The following FOCAD variants were observed in gnomAD, a reference collection of about 807,000 sequenced individuals.
The protein encoded by FOCAD is focadhesin.
A neutral mutation model predicts 225.6 loss-of-function variants in FOCAD; 198 were observed. The ratio of observed to expected loss-of-function variants is 0.88; its 90% CI spans 0.78 to 0.99. The LOEUF (loss-of-function observed/expected upper bound fraction) is 0.99. FOCAD is among the 50% of genes least tolerant of loss of function. The pLI, the probability that FOCAD is intolerant of heterozygous loss-of-function variation, is 0.00. For synonymous variants in FOCAD, 897 were observed against 755.0 expected (o/e 1.19, Z -3.08); for missense variants, 2,713 against 2,123.6 (o/e 1.28, Z -5.46).
chr9:20,820,460 T>C (rs1824200557), intron 13 of FOCAD, 35 bp downstream of exon 13: 5 of 1,547,152 alleles, frequency 3.2e-6, no homozygotes, highest in African/African-American at 1.4e-5. Context: ...GAGTATTAAA[T>C]ATGTTCCTTT....
intron 10 of FOCAD, among the ~76,000 whole-genome samples, chr9:20,784,635 G>C (rs1367715904): frequency 6.6e-6 from 1 of 152,174 alleles, no homozygotes; most frequent in African/African-American, 2.4e-5. Flanking sequence ...TGACTGAGCT[G>C]GGGTCTACCA....
intron 1 of FOCAD, among the ~76,000 whole-genome samples, chr9:20,703,467 T>G (rs146488460): frequency 7.3e-4 from 111 of 152,214 alleles, no homozygotes; most frequent in African/African-American, 2.6e-3. Context: ...TTTCAGCATA[T>G]GAGTTAAAAG....
At chr9:20,815,137 G>GTTTTTTTTTGTTTTTTTTTTTTTTT (rs1823565046) in intron 11 of FOCAD, among the ~76,000 whole-genome samples, 1 of 69,116 alleles carries the variant, frequency 1.4e-5, no homozygotes, top group African/African-American at 6.0e-5. Flanking sequence ...TTTTTTTTTT[G>GTTTTTTTTTGTTTTTTTTTTTTTTT]TTTTTTTTTT....
At chr9:20,711,263 G>A (rs1376998587) in intron 1 of FOCAD, among the ~76,000 whole-genome samples, 1 of 152,224 alleles carries the variant, frequency 6.6e-6, no homozygotes, top group African/African-American at 2.4e-5. Context: ...GGATTGAGCA[G>A]ATTTTGAACA....
At chr9:20,942,741 C>T (rs974175052) in intron 28 of FOCAD, among the ~76,000 whole-genome samples, 1 of 152,094 alleles carries the variant, frequency 6.6e-6, no homozygotes, top group African/African-American at 2.4e-5. Context: ...GGGAAAAAAA[C>T]AGAAAAGGTA....
intron 2 of FOCAD, among the ~76,000 whole-genome samples, chr9:20,659,249 A>T (rs778666329): frequency 7.1e-6 from 1 of 140,568 alleles, no homozygotes; most frequent in Admixed American, 7.0e-5. Flanking sequence ...AAAAAATTTA[A>T]AAAGAAAGTT....
intron 21 of FOCAD, among the ~76,000 whole-genome samples, chr9:20,887,784 G>T (rs1831227242): frequency 6.6e-6 from 1 of 152,148 alleles, no homozygotes; most frequent in African/African-American, 2.4e-5. Context: ...CCTAGTGGCT[G>T]TCTTATTTTG....
chr9:20,816,459 A>C (rs1206698629), intron 11 of FOCAD, among the ~76,000 whole-genome samples: 2 of 152,170 alleles, frequency 1.3e-5, no homozygotes, highest in Non-Finnish European at 2.9e-5. Flanking sequence ...TGTTCCAATC[A>C]AGTCTCTGCA....
intron 28 of FOCAD, among the ~76,000 whole-genome samples, chr9:20,940,844 C>G (rs1244023906): frequency 6.6e-6 from 1 of 152,152 alleles, no homozygotes; most frequent in Non-Finnish European, 1.5e-5. Flanking sequence ...AGCCATTTTT[C>G]TTTCTTACAT....
intron 2 of FOCAD, chr9:20,716,308 C>T (rs1825329454): frequency 4.4e-6 from 1 of 224,904 alleles, no homozygotes; most frequent in Non-Finnish European, 1.0e-5. Flanking sequence ...AAGAAATGCC[C>T]ATACGTGTTA....
chr9:20,693,210 T>A (rs1208179376), intron 1 of FOCAD, among the ~76,000 whole-genome samples: 2 of 152,196 alleles, frequency 1.3e-5, no homozygotes, highest in African/African-American at 2.4e-5. Context: ...CCTCTGCTGT[T>A]CTTCAGACAT....
At chr9:20,657,157 T>G (rs983373978), upstream of FOCAD, among the ~76,000 whole-genome samples, 1 of 152,134 alleles carries the variant, frequency 6.6e-6, no homozygotes, top group Non-Finnish European at 1.5e-5. Flanking sequence ...GCTGTTAGTC[T>G]GATGGGCCTC....
At chr9:20,849,773 A>G (rs796158181) in intron 15 of FOCAD, among the ~76,000 whole-genome samples, 12 of 152,040 alleles carry the variant, frequency 7.9e-5, no homozygotes, top group African/African-American at 2.9e-4. Flanking sequence ...CCTGACATTT[A>G]TCTGCCTTAG....
intron 20 of FOCAD, among the ~76,000 whole-genome samples, chr9:20,883,122 A>C (rs1830818012): frequency 6.6e-6 from 1 of 152,192 alleles, no homozygotes; most frequent in Admixed American, 6.5e-5. Flanking sequence ...TGGTTCTTTC[A>C]TATACTGCAC....
At chr9:20,761,430 T>TC (rs1297473816) in intron 6 of FOCAD, among the ~76,000 whole-genome samples, 1 of 150,788 alleles carries the variant, frequency 6.6e-6, no homozygotes, top group African/African-American at 2.5e-5. Context: ...TTTATTTTTA[T>TC]TTTTTTTTGT....
intron 11 of FOCAD, among the ~76,000 whole-genome samples, chr9:20,793,204 T>G (rs4977731): frequency 0.86 from 131,458 of 152,170 alleles, 56,830 homozygotes; most frequent in Admixed American, 0.91. Context: ...TATGCCTGGA[T>G]AAAAATTGGG....
chr9:20,845,441 CGA>C (rs1491392854), intron 15 of FOCAD, among the ~76,000 whole-genome samples: 9 of 48,056 alleles, frequency 1.9e-4, no homozygotes, highest in African/African-American at 5.9e-4. Flanking sequence ...ATCTTTTCCT[CGA>C]TATATATATA....
At chr9:20,768,373 G>T (rs532651809) in intron 7 of FOCAD, among the ~76,000 whole-genome samples, 5 of 152,126 alleles carry the variant, frequency 3.3e-5, no homozygotes, top group Non-Finnish European at 5.9e-5. Context: ...GAAAGTCATT[G>T]GTAGCTTGCT....
chr9:20,808,680 G>A (rs1440442917), intron 11 of FOCAD, among the ~76,000 whole-genome samples: 2 of 152,142 alleles, frequency 1.3e-5, no homozygotes, highest in Admixed American at 6.5e-5. Context: ...CAGGGGAGAA[G>A]CATGATTAGA....
Sources: gnomAD v4.1 joint callset for allele counts (sites outside exome capture counted in the v4.1 genomes callset) on GRCh38, gnomAD v4.1.1 for gene constraint, MANE v1.5 for transcripts, NCBI Gene and HGNC (gene_info 2026-07-23, HGNC 2026-07-21) for gene names.